PTPRO: variants seen among roughly 807,000 people sequenced by gnomAD.
The protein encoded by PTPRO is protein tyrosine phosphatase receptor type O.
In PTPRO, 62 loss-of-function variants were observed where a neutral mutation model predicts 145.2. The ratio of observed to expected loss-of-function variants is 0.43; its 90% CI spans 0.35 to 0.53. PTPRO has a LOEUF of 0.53. Ranked by LOEUF, PTPRO falls within the 20% of genes least tolerant of loss-of-function variation. The probability of loss-of-function intolerance (pLI) is 0.01; values close to 1 mark genes in which losing one functional copy is unlikely to be tolerated. For synonymous variants in PTPRO, 565 were observed against 514.7 expected, an observed-to-expected ratio of 1.10 and a Z score of -1.32; for missense variants, 1,345 against 1,482.7, an observed-to-expected ratio of 0.91 and a Z score of 1.53.
At chr12:15,368,127 G>A (rs566410570) in intron 1 of PTPRO, among the ~76,000 whole-genome samples, 11 of 152,084 alleles carry the variant, frequency 7.2e-5, no homozygotes, top group Non-Finnish European at 1.0e-4. Flanking sequence ...GGACTCCTCC[G>A]TGTTCTCCTA....
chr12:15,563,733 G>A (rs560353798), intron 17 of PTPRO, among the ~76,000 whole-genome samples: 12 of 152,220 alleles, frequency 7.9e-5, no homozygotes, highest in African/African-American at 2.9e-4. Context: ...TAATATTTCA[G>A]CACTGAATTT....
At chr12:15,525,101 C>A in intron 11 of PTPRO, 136 bp downstream of exon 11, 4 of 1,059,444 alleles carry the variant, frequency 3.8e-6, no homozygotes, top group East Asian at 2.5e-5. Flanking sequence ...GGAGATAAGA[C>A]AGTGAACAAA....
intron 1 of PTPRO, among the ~76,000 whole-genome samples, chr12:15,452,662 T>C (rs1034800351): frequency 2.6e-5 from 4 of 152,210 alleles, no homozygotes; most frequent in Admixed American, 6.5e-5. Flanking sequence ...ATCAAATGGG[T>C]TTCATTCCAG....
chr12:15,431,698 T>A (rs950498765), intron 1 of PTPRO, among the ~76,000 whole-genome samples: 2 of 152,220 alleles, frequency 1.3e-5, no homozygotes, highest in African/African-American at 4.8e-5. Context: ...TCAAAGTGAT[T>A]ATCTTACATT....
intron 19 of PTPRO, among the ~76,000 whole-genome samples, chr12:15,575,680 A>T (rs888438182): frequency 6.6e-6 from 1 of 152,232 alleles, no homozygotes; most frequent in African/African-American, 2.4e-5. Flanking sequence ...CTGCCATAAC[A>T]AATTACCACA....
At chr12:15,412,430 C>A (rs978626162) in intron 1 of PTPRO, among the ~76,000 whole-genome samples, 1 of 152,208 alleles carries the variant, frequency 6.6e-6, no homozygotes, top group Non-Finnish European at 1.5e-5. Context: ...AGTTACCAAA[C>A]ATATTTTTCC....
intron 5 of PTPRO, 24 bp from the exon 6 acceptor site, chr12:15,503,884 T>C: frequency 6.5e-7 from 1 of 1,540,108 alleles, no homozygotes; most frequent in Non-Finnish European, 9.0e-7. Flanking sequence ...TTCATGTATC[T>C]TCTCTTTTTT....
chr12:15,354,353 T>G lies in PTPRO; in HGVS notation c.75+31552T>G, dbSNP rs139097755. Among the ~76,000 whole-genome samples, 235 of 152,332 alleles carry G rather than the reference T, an allele frequency of 1.5e-3. 2 individuals carry two copies. The highest frequency in any genetic ancestry group is 5.5e-3 in the African/African-American group (229 of 41,578). On this transcript the variant is annotated intron_variant, in intron 1 of 26. Transcript: ENST00000281171. Reference sequence around the variant, plus strand: ...GTGATGTTTGTTCTTGCCTTAATTTTAGCAGAATTCATGTTGCTTTCACAG... The same window carrying G: ...GTGATGTTTGTTCTTGCCTTAATTTGAGCAGAATTCATGTTGCTTTCACAG...
chr12:15,488,147 A>G (rs1237103413), intron 2 of PTPRO, among the ~76,000 whole-genome samples: 2 of 152,188 alleles, frequency 1.3e-5, no homozygotes, highest in East Asian at 3.9e-4. Context: ...GGTGGAGAAG[A>G]AGTGATGTTG....
At chr12:15,435,643 A>G (rs553688415) in intron 1 of PTPRO, among the ~76,000 whole-genome samples, 1 of 151,634 alleles carries the variant, frequency 6.6e-6, no homozygotes, top group East Asian at 1.9e-4. Flanking sequence ...TTTCTCAAAT[A>G]TATATCACCA....
At chr12:15,397,637 G>A (rs1939378431) in intron 1 of PTPRO, among the ~76,000 whole-genome samples, 1 of 152,124 alleles carries the variant, frequency 6.6e-6, no homozygotes, top group South Asian at 2.1e-4. Context: ...CAAGGCATAG[G>A]GTTTGTGGCT....
chr12:15,547,023 A>G (rs1943310322), intron 13 of PTPRO, among the ~76,000 whole-genome samples: 1 of 152,254 alleles, frequency 6.6e-6, no homozygotes, highest in Non-Finnish European at 1.5e-5. Flanking sequence ...TTTAACAAAT[A>G]TGAACCATTT....
At chr12:15,349,686 A>G (rs1164219263) in intron 1 of PTPRO, among the ~76,000 whole-genome samples, 1 of 152,222 alleles carries the variant, frequency 6.6e-6, no homozygotes, top group East Asian at 1.9e-4. Flanking sequence ...CCCCACAAAA[A>G]GCTAACAAAA....
chr12:15,479,224 A>G (rs1022533080), intron 1 of PTPRO, among the ~76,000 whole-genome samples: 13 of 152,156 alleles, frequency 8.5e-5, no homozygotes, highest in Admixed American at 6.5e-5. Context: ...GCTTCCTTAG[A>G]AAGAGCCCCT....
chr12:15,415,923 C>T (rs781769068), intron 1 of PTPRO, among the ~76,000 whole-genome samples: 1 of 151,450 alleles, frequency 6.6e-6, no homozygotes. Context: ...CAAGGATAAA[C>T]CTTGTTTGCC....
intron 1 of PTPRO, among the ~76,000 whole-genome samples, chr12:15,389,513 A>G (rs990902488): frequency 1.3e-5 from 2 of 152,114 alleles, no homozygotes; most frequent in African/African-American, 4.8e-5. Flanking sequence ...CTCTCTTTGT[A>G]TTCAGGGGGC....
At chr12:15,568,110 T>C (rs775102242) in intron 18 of PTPRO, among the ~76,000 whole-genome samples, 1 of 152,142 alleles carries the variant, frequency 6.6e-6, no homozygotes, top group Non-Finnish European at 1.5e-5. Flanking sequence ...CATTATTAAA[T>C]ACTATGTATT....
At chr12:15,556,987 T>C (rs1363146222) in intron 15 of PTPRO, among the ~76,000 whole-genome samples, 1 of 152,076 alleles carries the variant, frequency 6.6e-6, no homozygotes, top group Non-Finnish European at 1.5e-5. Context: ...TTGCATTGTA[T>C]GCCAAAAGGG....
chr12:15,483,226 A>C (rs1173011441), intron 1 of PTPRO, among the ~76,000 whole-genome samples: 2 of 152,200 alleles, frequency 1.3e-5, no homozygotes, highest in African/African-American at 4.8e-5. Context: ...AATTCTGCCT[A>C]TGGAGTCTGA....
Sources: gnomAD v4.1 joint callset for allele counts (sites outside exome capture counted in the v4.1 genomes callset) on GRCh38, gnomAD v4.1.1 for gene constraint, MANE v1.5 for transcripts, NCBI Gene and HGNC (gene_info 2026-07-23, HGNC 2026-07-21) for gene names.